FAM89A: variants seen among roughly 807,000 people sequenced by gnomAD.
FAM89A encodes the protein family with sequence similarity 89 member A.
In FAM89A, 10 loss-of-function variants were observed where a neutral mutation model predicts 7.1. The observed-to-expected ratio is 1.40, with a 90% CI of 0.86 to 2.38. The LOEUF is 2.38. Ranked by LOEUF, FAM89A falls within the 30% of genes most tolerant of loss-of-function variation. FAM89A has a pLI of 0.00. For missense variants in FAM89A, 276 were observed against 262.8 expected, an observed-to-expected ratio of 1.05 and a Z score of -0.35; for synonymous variants, 157 against 129.3, an observed-to-expected ratio of 1.21 and a Z score of -1.45.
chr1:231,034,610 T>C (rs945851885), intron 1 of FAM89A, among the ~76,000 whole-genome samples: 9 of 151,668 alleles, frequency 5.9e-5, no homozygotes, highest in Non-Finnish European at 1.2e-4. Flanking sequence ...CCATCTCTAC[T>C]AAAAATACAA....
intron 1 of FAM89A, among the ~76,000 whole-genome samples, chr1:231,037,534 C>T (rs1680177997): frequency 6.6e-6 from 1 of 152,158 alleles, no homozygotes; most frequent in South Asian, 2.1e-4. Context: ...CTCCCATGAA[C>T]ACCTCTCATC....
At chr1:231,020,207 T>G (rs41271503) in intron 1 of FAM89A, 81 bp from the exon 2 acceptor site, 108,589 of 1,388,960 alleles carry the variant, frequency 0.078, 4,690 homozygotes, top group Middle Eastern at 0.11. Context: ...GCCGGCGATC[T>G]GCGCCTGCCA....
rs187647022 is a variant in FAM89A, at chr1:231,034,544, G to A, written c.291+5377C>T. On this transcript the variant is annotated intron_variant, in intron 1 of 1. Coordinates refer to ENST00000366654, the MANE Select transcript of FAM89A (RefSeq NM_198552.3). ...TCCCAGCACTCTGGGAGGCTGAAGCGGGCGGATCATCTGAGGTCAGAAGTT... is the reference window on the plus strand; with the variant it reads ...TCCCAGCACTCTGGGAGGCTGAAGCAGGCGGATCATCTGAGGTCAGAAGTT... 1.8e-3 allele frequency among the ~76,000 whole-genome samples: 268 copies of A among 151,936 alleles called. 2 individuals carry two copies. The highest frequency in any genetic ancestry group is 6.8e-3 in the Middle Eastern group (2 of 294).
intron 1 of FAM89A, chr1:231,021,804 A>T (rs1282507057): frequency 1.2e-6 from 2 of 1,602,394 alleles, no homozygotes; most frequent in Non-Finnish European, 1.7e-6. Context: ...ACTCACAATG[A>T]CTCTGTTGTG....
At chr1:231,027,587 C>A (rs1223471358) in intron 1 of FAM89A, among the ~76,000 whole-genome samples, 2 of 152,186 alleles carry the variant, frequency 1.3e-5, no homozygotes, top group Non-Finnish European at 1.5e-5. Flanking sequence ...TAAGTCACTG[C>A]ACAGTAAACC....
chr1:231,037,617 C>T (rs1163072323), intron 1 of FAM89A, among the ~76,000 whole-genome samples: 1 of 152,218 alleles, frequency 6.6e-6, no homozygotes, highest in Non-Finnish European at 1.5e-5. Context: ...CAAAGTCCAA[C>T]TGGGATAATA....
Position 231,019,810 on chromosome 1 carries a change from C to G in FAM89A, c.*53G>C. On this transcript the variant is annotated 3_prime_UTR_variant, in exon 2 of 2. Transcript: ENST00000366654. ...TTGCAAGAGAAGCAGCAAATGATGA[C>G]AGCGTGTCCAGTAGGAAGGGCTTCC... The G allele has an allele frequency of 6.3e-7, 1 of 1,575,166 alleles. No homozygotes were observed. The highest frequency in any genetic ancestry group is 2.3e-5 in the East Asian group (1 of 44,390).
chr1:231,022,093 G>GT (rs775800213), intron 1 of FAM89A: 3 of 1,396,438 alleles, frequency 2.1e-6, no homozygotes, highest in Non-Finnish European at 3.1e-6. Flanking sequence ...TCTGTAGCCA[G>GT]TGCCTCCGTG....
chr1:231,020,945 C>G (rs1679865502), intron 1 of FAM89A, among the ~76,000 whole-genome samples: 1 of 152,168 alleles, frequency 6.6e-6, no homozygotes, highest in Non-Finnish European at 1.5e-5. Flanking sequence ...TACACCAATA[C>G]CAAAGAGAGA....
intron 1 of FAM89A, among the ~76,000 whole-genome samples, chr1:231,031,704 A>T (rs969112136): frequency 1.1e-4 from 17 of 152,196 alleles, no homozygotes; most frequent in Admixed American, 1.1e-3. Context: ...ATGCACACTC[A>T]TATTGTTTTT....
intron 1 of FAM89A, among the ~76,000 whole-genome samples, chr1:231,024,307 A>C (rs919931581): frequency 2.0e-5 from 3 of 152,172 alleles, no homozygotes; most frequent in Non-Finnish European, 2.9e-5. Flanking sequence ...TTTACCTAGC[A>C]ATAAGATTTT....
chr1:231,028,554 G>A (rs1279719529), intron 1 of FAM89A: 1 of 152,184 alleles, frequency 6.6e-6, no homozygotes, highest in Non-Finnish European at 1.5e-5. Flanking sequence ...CATGCCCTTG[G>A]AGGACGGCTG....
chr1:231,021,947 TC>T, intron 1 of FAM89A: 2 of 1,432,686 alleles, frequency 1.4e-6, no homozygotes, highest in Non-Finnish European at 2.0e-6. Context: ...TACCCACACT[TC>T]CAGAAACACC....
intron 1 of FAM89A, among the ~76,000 whole-genome samples, chr1:231,037,632 T>C (rs1680179440): frequency 6.6e-6 from 1 of 152,168 alleles, no homozygotes; most frequent in Admixed American, 6.5e-5. Flanking sequence ...ATAATACCAT[T>C]CTCCTGCTGA....
intron 1 of FAM89A, among the ~76,000 whole-genome samples, chr1:231,036,606 T>C (rs1194418561): frequency 2.0e-5 from 3 of 151,766 alleles, no homozygotes; most frequent in Non-Finnish European, 2.9e-5. Flanking sequence ...ACCACAACTC[T>C]CCAAGCAGAG....
At chr1:231,020,565 C>T (rs1263716046) in intron 1 of FAM89A, among the ~76,000 whole-genome samples, 1 of 152,238 alleles carries the variant, frequency 6.6e-6, no homozygotes, top group Non-Finnish European at 1.5e-5. Context: ...TCATTCTCAA[C>T]TCCCAGGGGC....
chr1:231,036,809 T>C (rs577125743), intron 1 of FAM89A, among the ~76,000 whole-genome samples: 1 of 152,330 alleles, frequency 6.6e-6, no homozygotes, highest in Non-Finnish European at 1.5e-5. Context: ...TTCTGAAATG[T>C]TTAACATGCT....
At chr1:231,032,055 A>G (rs74143533) in intron 1 of FAM89A, among the ~76,000 whole-genome samples, 2,270 of 152,348 alleles carry the variant, frequency 0.015, 50 homozygotes, top group African/African-American at 0.049. Context: ...GTTTACCAAT[A>G]AAGTGATTCA....
intron 1 of FAM89A, among the ~76,000 whole-genome samples, chr1:231,037,083 T>C (rs951626725): frequency 6.6e-6 from 1 of 152,152 alleles, no homozygotes; most frequent in Non-Finnish European, 1.5e-5. Flanking sequence ...TGTGTGTGTG[T>C]GAGAGTGCAT....
Sources: gnomAD v4.1 joint callset for allele counts (sites outside exome capture counted in the v4.1 genomes callset) on GRCh38, gnomAD v4.1.1 for gene constraint, MANE v1.5 for transcripts, NCBI Gene and HGNC (gene_info 2026-07-23, HGNC 2026-07-21) for gene names.